Variants in ZNF469 observed in about 807,000 individuals in gnomAD.
The protein encoded by ZNF469 is zinc finger protein 469.
Under a neutral mutation model 1.0 loss-of-function variants are expected in ZNF469, and 1 was observed. The observed-to-expected ratio is 1.00, with a 90% CI of 0.35 to 4.73. The LOEUF is 4.73. Among genes scored for constraint, ZNF469 ranks in the 30% most tolerant of loss-of-function variants. ZNF469 has a pLI of 0.16. For missense variants in ZNF469, 6,100 were observed against 5,356.3 expected, an observed-to-expected ratio of 1.14 and a Z score of -4.33; for synonymous variants, 2,703 against 2,363.4, an observed-to-expected ratio of 1.14 and a Z score of -4.17.
chr16:88,349,365 TCACA>T, the ZNF469 span, among the ~76,000 whole-genome samples: 3 of 147,460 alleles, frequency 2.0e-5, no homozygotes, highest in South Asian at 2.2e-4. Context: ...TACACACATA[TCACA>T]CACACACACC....
the ZNF469 span, among the ~76,000 whole-genome samples, chr16:88,117,057 C>T: frequency 6.6e-6 from 1 of 152,148 alleles, no homozygotes; most frequent in Non-Finnish European, 1.5e-5. Flanking sequence ...GATGGCTTGG[C>T]GTGCTGCTGT....
intron 2 of ZNF469, among the ~76,000 whole-genome samples, chr16:88,425,386 C>A (rs1311139255): frequency 6.6e-6 from 1 of 152,208 alleles, no homozygotes; most frequent in Non-Finnish European, 1.5e-5. Context: ...GTTCCTACCC[C>A]CAACCCTGCA....
chr16:88,226,147 G>GCACACCT, the ZNF469 span, among the ~76,000 whole-genome samples: 1 of 152,188 alleles, frequency 6.6e-6, no homozygotes, highest in African/African-American at 2.4e-5. Flanking sequence ...GGGGTGGAGG[G>GCACACCT]TGCTAAACGT....
chr16:88,436,403 GC>G lies in ZNF469; in HGVS notation c.8937del (p.Glu2980ArgfsTer37). 1 of 1,549,696 alleles carries G rather than the reference GC, an allele frequency of 6.5e-7. No homozygotes were observed. Among genetic ancestry groups the G allele is most frequent in the African/African-American group, 1.4e-5 (1 of 73,188 alleles). ...GGTGCAGAGAAGCTGCCCTCCCACT[GC>G]CCCGAGGACGATCGGCCGGAGGCCA... The part of the protein sequence containing the change: ...EAGAEKLPSH[C>X]PEDDRPEAIP... On this transcript the variant is annotated frameshift_variant, in exon 3 of 3. Transcript: ENST00000565624. LOFTEE classifies it low-confidence loss of function (END_TRUNC).
the ZNF469 span, among the ~76,000 whole-genome samples, chr16:88,335,642 A>G: frequency 9.2e-5 from 14 of 152,376 alleles, no homozygotes; most frequent in East Asian, 2.5e-3. Context: ...CTGGGAGGGG[A>G]ATTAGCTCTG....
the ZNF469 span, among the ~76,000 whole-genome samples, chr16:88,337,757 G>A: frequency 5.3e-5 from 8 of 152,192 alleles, no homozygotes; most frequent in African/African-American, 1.9e-4. Flanking sequence ...TTCCCTGGTG[G>A]CTGATGGTGT....
chr16:88,349,053 G>A, the ZNF469 span, among the ~76,000 whole-genome samples: 26 of 152,250 alleles, frequency 1.7e-4, no homozygotes, highest in African/African-American at 6.0e-4. Flanking sequence ...CATTTCCATC[G>A]CTTTACTCGG....
Position 88,427,946 on chromosome 16 carries a change from G to A in ZNF469, c.476G>A (p.Gly159Glu). The A allele has an allele frequency of 1.9e-6, 3 of 1,549,940 alleles. No individual in the cohort carries two copies. The highest frequency in any genetic ancestry group is 8.7e-7 in the Non-Finnish European group (1 of 1,146,868). ...EVDTPQGPGTGAPLRPGLPRT... is the reference protein window; with the variant it reads ...EVDTPQGPGTEAPLRPGLPRT... ...GACACCCCCCAGGGCCCTGGGACTG[G>A]AGCTCCACTCAGGCCGGGCCTCCCA... The change falls in exon 3 of 3, where the codon GGA becomes GAA. Residue 159 changes from glycine to glutamate, a missense_variant. By Grantham distance (98) the Gly-to-Glu change is moderately conservative. Coordinates refer to ENST00000565624, the MANE Select transcript of ZNF469 (RefSeq NM_001367624.2).
At chr16:88,206,691 C>G in the ZNF469 span, among the ~76,000 whole-genome samples, 64,647 of 150,768 alleles carry the variant, frequency 0.43, 15,532 homozygotes, top group South Asian at 0.55. Flanking sequence ...TTTAAAACCT[C>G]GATGGCTTTG....
At chr16:88,344,568 G>A in the ZNF469 span, among the ~76,000 whole-genome samples, 5 of 152,218 alleles carry the variant, frequency 3.3e-5, no homozygotes. Flanking sequence ...TGTGAAGAGG[G>A]GCACATTGCA....
the ZNF469 span, among the ~76,000 whole-genome samples, chr16:88,146,024 G>A: frequency 2.0e-5 from 3 of 152,254 alleles, no homozygotes; most frequent in African/African-American, 7.2e-5. Context: ...CTTGAGAACA[G>A]GAACAGCAGC....
Position 88,432,655 on chromosome 16 carries a change from C to G in ZNF469, c.5185C>G (p.Pro1729Ala), listed in dbSNP as rs1906282691. The G allele has an allele frequency of 6.4e-7, 1 of 1,550,436 alleles. No homozygotes were observed. The highest frequency in any genetic ancestry group is 8.7e-7 in the Non-Finnish European group (1 of 1,146,988). ...DVCLPEPSKQ[P>A]GPQLDAGSLA... ...CTGCCTGCCTGAGCCCAGCAAGCAG[C>G]CTGGCCCACAGCTGGATGCCGGGAG... The change falls in exon 3 of 3, where the codon CCT becomes GCT. Residue 1729 changes from proline (P) to alanine (A), a missense_variant. By Grantham distance (27) the Pro-to-Ala change is conservative. Transcript: ENST00000565624.
At chr16:88,119,122 A>T in the ZNF469 span, among the ~76,000 whole-genome samples, 3 of 152,212 alleles carry the variant, frequency 2.0e-5, no homozygotes, top group Non-Finnish European at 4.4e-5. Flanking sequence ...GAATGAAAAT[A>T]ACGTTTGTCC....
At chr16:88,183,782 T>G in the ZNF469 span, among the ~76,000 whole-genome samples, 2 of 152,088 alleles carry the variant, frequency 1.3e-5, no homozygotes, top group Non-Finnish European at 2.9e-5. Context: ...AAGCAGCATG[T>G]GAAGTCATCA....
the ZNF469 span, among the ~76,000 whole-genome samples, chr16:88,303,321 G>A: frequency 6.6e-6 from 1 of 152,306 alleles, no homozygotes; most frequent in Non-Finnish European, 1.5e-5. Flanking sequence ...AGTTCTCCTG[G>A]GCCCCGTTGG....
the ZNF469 span, among the ~76,000 whole-genome samples, chr16:88,254,841 A>C: frequency 6.7e-6 from 1 of 150,076 alleles, no homozygotes; most frequent in African/African-American, 2.4e-5. Context: ...GACTTCCACA[A>C]AAAAAAAAAT....
At chr16:88,208,097 C>T in the ZNF469 span, among the ~76,000 whole-genome samples, 25 of 151,768 alleles carry the variant, frequency 1.6e-4, no homozygotes, top group African/African-American at 5.8e-4. Flanking sequence ...TTAGTGTGGA[C>T]TCGTGGCTTT....
At chr16:88,372,419 CCAT>C in the ZNF469 span, among the ~76,000 whole-genome samples, 4 of 148,884 alleles carry the variant, frequency 2.7e-5, no homozygotes, top group Middle Eastern at 3.6e-3. Flanking sequence ...ATCACCATCA[CCAT>C]CATCACCATC....
At chr16:88,186,279 G>A in the ZNF469 span, among the ~76,000 whole-genome samples, 1 of 152,178 alleles carries the variant, frequency 6.6e-6, no homozygotes, top group Admixed American at 6.5e-5. Flanking sequence ...CTTGTCATGG[G>A]GTCTGGATTA....
Sources: gnomAD v4.1 joint callset for allele counts (sites outside exome capture counted in the v4.1 genomes callset) on GRCh38, gnomAD v4.1.1 for gene constraint, MANE v1.5 for transcripts, NCBI Gene and HGNC (gene_info 2026-07-23, HGNC 2026-07-21) for gene names.